CIB2: variants seen among roughly 807,000 people sequenced by gnomAD.
The protein encoded by CIB2 is calcium and integrin-binding family member 2.
Under a neutral mutation model 23.1 loss-of-function variants are expected in CIB2, and 19 were observed. The ratio of observed to expected loss-of-function variants is 0.82; its 90% CI spans 0.57 to 1.21. The LOEUF (loss-of-function observed/expected upper bound fraction) is 1.21. CIB2 is among the 50% of genes most tolerant of loss of function. CIB2 has a pLI of 0.00. For synonymous variants in CIB2, 94 were observed against 91.7 expected (o/e 1.03, Z -0.14); for missense variants, 220 against 241.5 (o/e 0.91, Z 0.59).
upstream of CIB2, chr15:78,131,522 C>G (rs2074457781): frequency 6.4e-6 from 1 of 155,452 alleles, no homozygotes; most frequent in African/African-American, 2.5e-5. This position sits in a 1 kb window ranked among gnomAD's most constrained non-coding sequence, Gnocchi z 5.8. Flanking sequence ...AGACGCTGCC[C>G]GGCACGAACC....
chr15:78,119,292 AAT>A (rs1345595629), intron 2 of CIB2, among the ~76,000 whole-genome samples: 2 of 152,220 alleles, frequency 1.3e-5, no homozygotes, highest in East Asian at 3.9e-4. Context: ...TTGCAGGTTG[AAT>A]AGTGTTTTAT....
Position 78,109,268 on chromosome 15 carries a change from C to A in CIB2, c.313G>T (p.Glu105Ter). 1 of 1,586,012 alleles carries A rather than the reference C, an allele frequency of 6.3e-7. No homozygotes were observed. The highest frequency in any genetic ancestry group is 1.4e-5 in the African/African-American group (1 of 72,784). Residue 105 changes from glutamate (E) to a stop codon, truncating the protein, a stop_gained, in exon 4 of 6, where the codon GAG becomes TAG. Transcript: ENST00000258930. LOFTEE classifies it high-confidence loss of function. The stretch of plus-strand genomic sequence containing the variant: ...TTGAAGGCATAGTTTGCCTTGAGCT[C>A]TCGGGGAGCCGACTCGCAGAGCACG... ...FSVLCESAPR[E>*]LKANYAFKIY...
intron 2 of CIB2, among the ~76,000 whole-genome samples, chr15:78,114,273 C>G (rs1323156287): frequency 6.6e-6 from 1 of 152,168 alleles, no homozygotes; most frequent in Non-Finnish European, 1.5e-5. Context: ...CCCTGGGACA[C>G]AGATCTGTTC....
chr15:78,109,558 G>A lies in CIB2; in HGVS notation c.199-176C>T, dbSNP rs981167852. 3.0e-5 allele frequency: 21 copies of A among 694,842 alleles called. No homozygotes were observed. The African/African-American group carries it at 3.6e-4, about 12-fold the overall frequency. The allele number at this position is 694,842 out of a possible 1,614,324, so 43.0% of individuals were successfully genotyped here. ...CACCTTCTTAATTGGGTTGTGATGG[G>A]ATTAAATGAGCTAAAGTATGTAAGG... On this transcript the variant is annotated intron_variant, in intron 3 of 5. Coordinates refer to ENST00000258930, the MANE Select transcript of CIB2 (RefSeq NM_006383.4).
chr15:78,118,158 T>C (rs1395819605), intron 2 of CIB2, among the ~76,000 whole-genome samples: 1 of 151,992 alleles, frequency 6.6e-6, no homozygotes, highest in Non-Finnish European at 1.5e-5. Context: ...TATAATCCCA[T>C]TTTTTTTAAA....
chr15:78,114,632 GTC>G (rs2074210738), intron 2 of CIB2, among the ~76,000 whole-genome samples: 1 of 152,106 alleles, frequency 6.6e-6, no homozygotes, highest in Admixed American at 6.5e-5. Flanking sequence ...AGATGAAAAA[GTC>G]TTATAAAATA....
chr15:78,120,194 G>A (rs919115437), intron 2 of CIB2, among the ~76,000 whole-genome samples: 1 of 152,066 alleles, frequency 6.6e-6, no homozygotes, highest in Admixed American at 6.6e-5. Flanking sequence ...GTGAGCCAAC[G>A]TACCCGACCA....
At chr15:78,128,678 G>A (rs188545299) in intron 1 of CIB2, among the ~76,000 whole-genome samples, 19 of 149,476 alleles carry the variant, frequency 1.3e-4, no homozygotes, top group East Asian at 5.9e-4. Context: ...GTGACAGGGC[G>A]AGCGAGACTC....
chr15:78,108,515 G>A (rs533319093), intron 4 of CIB2, among the ~76,000 whole-genome samples: 6 of 152,274 alleles, frequency 3.9e-5, no homozygotes, highest in South Asian at 2.1e-4. Flanking sequence ...AGTGCCCGCC[G>A]CCCTCTGGTG....
chr15:78,112,265 T>C (rs2074171888), intron 2 of CIB2, among the ~76,000 whole-genome samples: 1 of 152,074 alleles, frequency 6.6e-6, no homozygotes, highest in Non-Finnish European at 1.5e-5. Flanking sequence ...AGGTACAAAT[T>C]GTATTTAGAT....
chr15:78,127,698 G>C lies in CIB2; in HGVS notation c.51+3467C>G, dbSNP rs561491565. Among the ~76,000 whole-genome samples the C allele has an allele frequency of 7.6e-4, 115 of 152,232 alleles. 1 individual carries two copies. The highest frequency in any genetic ancestry group is 1.1e-3 in the Non-Finnish European group (76 of 68,016). ...CTGCCTGTGCCAGCTGTCAGGAGCC[G>C]AGCCATGGGCCCTCCCAGCTCTAAT... On this transcript the variant is annotated intron_variant, in intron 1 of 5. Transcript: ENST00000258930.
intron 3 of CIB2, chr15:78,109,592 C>A (rs934333331): frequency 1.5e-5 from 9 of 604,638 alleles, no homozygotes; most frequent in Non-Finnish European, 2.4e-5. Context: ...GGTGTTGGTA[C>A]CAGGCCCGGC....
At position 78,117,553 on chromosome 15, in the gene CIB2, T is replaced by A. The variant is rs143520512; in HGVS notation, c.86+6152A>T. 6.0e-3 allele frequency among the ~76,000 whole-genome samples: 907 copies of A among 152,322 alleles called. 12 individuals carry two copies. Among genetic ancestry groups the A allele is most frequent in the African/African-American group, 0.021 (864 of 41,574 alleles). ...AGCAATCCACCATTCATGCCTAGTT[T>A]CCATATAGCATTTTAAAATAATTAA... On this transcript the variant is annotated intron_variant, in intron 2 of 5. Transcript: ENST00000258930.
intron 2 of CIB2, among the ~76,000 whole-genome samples, chr15:78,114,086 G>A (rs1020311988): frequency 6.6e-6 from 1 of 152,302 alleles, no homozygotes; most frequent in Admixed American, 6.5e-5. Flanking sequence ...TAAAGCAGGG[G>A]CTATTCTACT....
Position 78,111,113 on chromosome 15 carries a change from C to T in CIB2, c.198+52G>A. 3 of 1,523,440 alleles carry T rather than the reference C, an allele frequency of 2.0e-6. No individual in the cohort carries two copies. The South Asian group carries it at 3.4e-5, about 17-fold the overall frequency. The allele number at this position is 1,523,440 out of a possible 1,614,324, so 94.4% of individuals were successfully genotyped here. A position where few individuals can be genotyped will look rare whatever the true frequency, so the allele number is the denominator to read the frequency against. ...AGCCTAGACCTGGGGGCCTCTGCTG[C>T]TGGTCCAGAGGCACAGATCCCCTGC... On this transcript the variant is annotated intron_variant, in intron 3 of 5. Coordinates refer to ENST00000258930, the MANE Select transcript of CIB2 (RefSeq NM_006383.4).
intron 1 of CIB2, among the ~76,000 whole-genome samples, chr15:78,128,257 G>C (rs1275725500): frequency 2.0e-5 from 3 of 152,210 alleles, no homozygotes; most frequent in African/African-American, 7.2e-5. Flanking sequence ...AGAAAGATGG[G>C]CCAGACTAGG....
intron 2 of CIB2, chr15:78,120,642 T>A (rs1470578121): frequency 1.0e-6 from 1 of 976,962 alleles, no homozygotes; most frequent in Non-Finnish European, 1.2e-6. Context: ...AGCTGTGTCC[T>A]GGGGAGCAAT....
intron 2 of CIB2, among the ~76,000 whole-genome samples, chr15:78,119,935 C>A (rs896491561): frequency 1.3e-4 from 19 of 149,840 alleles, no homozygotes; most frequent in African/African-American, 4.4e-4. Context: ...GAGTCTTGCT[C>A]TGTTGCCCAG....
rs575261956 is a variant in CIB2, at chr15:78,111,954, A to G, written c.87-678T>C. Among the ~76,000 whole-genome samples, 18 of 152,264 alleles carry G rather than the reference A, an allele frequency of 1.2e-4. 1 individual carries two copies. Among genetic ancestry groups the G allele is most frequent in the African/African-American group, 2.9e-4 (12 of 41,548 alleles). Reference sequence around the variant, plus strand: ...GTCCTCACACCCTCAGGAAGCCCCTATGAATGGGTCACCCATAAACTCTCT... The same window carrying G: ...GTCCTCACACCCTCAGGAAGCCCCTGTGAATGGGTCACCCATAAACTCTCT... On this transcript the variant is annotated intron_variant, in intron 2 of 5. Coordinates refer to ENST00000258930, the MANE Select transcript of CIB2 (RefSeq NM_006383.4).
Sources: allele counts gnomAD v4.1 joint callset (sites outside exome capture counted in the v4.1 genomes callset), GRCh38; gene constraint gnomAD v4.1.1; non-coding constraint Gnocchi (gnomAD v3.1); transcripts MANE v1.5; gene names NCBI Gene and HGNC (gene_info 2026-07-23, HGNC 2026-07-21).